Variants in SLC6A20 observed in about 807,000 individuals in gnomAD.
SLC6A20 encodes the protein sodium- and chloride-dependent transporter XTRP3.
Under a neutral mutation model 64.3 loss-of-function variants are expected in SLC6A20, and 73 were observed. The observed-to-expected ratio is 1.14, with a 90% CI of 0.94 to 1.38. The LOEUF (loss-of-function observed/expected upper bound fraction) is 1.38, where lower values mean the gene tolerates loss of function less well. SLC6A20 is among the 40% of genes most tolerant of loss of function. The pLI is 0.00. For missense variants in SLC6A20, 725 were observed against 772.8 expected (o/e 0.94, Z 0.73); for synonymous variants, 347 against 329.6 (o/e 1.05, Z -0.57).
chr3:45,771,225 G>A lies in SLC6A20; in HGVS notation c.927C>T (p.Cys309=). 6.2e-7 allele frequency: 1 copy of A among 1,614,216 alleles called. No homozygotes were observed. The highest frequency in any genetic ancestry group is 8.5e-7 in the Non-Finnish European group (1 of 1,180,042). ...GFKATFNYEN[C]LKKVSLLLTN... Reference sequence around the variant, plus strand: ...GGACAGCCCAGGCTTACTTCTTCAAGCAGTTTTCATAATTGAAGGTGGCCT... The same window carrying A: ...GGACAGCCCAGGCTTACTTCTTCAAACAGTTTTCATAATTGAAGGTGGCCT... The change falls in exon 6 of 11, where the codon TGC becomes TGT. Residue 309 remains cysteine, a synonymous_variant. Coordinates refer to ENST00000358525, the MANE Select transcript of SLC6A20 (RefSeq NM_020208.4).
chr3:45,759,713 T>C lies in SLC6A20; in HGVS notation c.1629+144A>G, dbSNP rs959207756. ...CAGCTCCTCCGTGCTGGACTATTTC[T>C]AAAATACCTCAGTGATATTTCCATG... On this transcript the variant is annotated intron_variant, in intron 10 of 10. Transcript: ENST00000358525. The C allele has an allele frequency of 6.1e-6, 7 of 1,143,010 alleles. No individual in the cohort carries two copies. In the African/African-American group the frequency reaches 1.1e-4, roughly 18 times the overall value. The allele number at this position is 1,143,010 out of a possible 1,614,324, so 70.8% of individuals were successfully genotyped here.
chr3:45,786,661 A>G (rs1700174704), intron 1 of SLC6A20, among the ~76,000 whole-genome samples: 1 of 152,212 alleles, frequency 6.6e-6, no homozygotes, highest in Admixed American at 6.5e-5. Flanking sequence ...AGCCTCAGTA[A>G]CTATCCTATT....
chr3:45,771,137 T>C (rs1226997058), intron 6 of SLC6A20, 80 bp downstream of exon 6: 1 of 1,584,066 alleles, frequency 6.3e-7, no homozygotes, highest in Non-Finnish European at 8.6e-7. Context: ...CTGGTGCACT[T>C]TGCCCCAGCC....
At chr3:45,767,055 A>T (rs1202853690) in intron 7 of SLC6A20, among the ~76,000 whole-genome samples, 6 of 152,250 alleles carry the variant, frequency 3.9e-5, no homozygotes, top group Non-Finnish European at 5.9e-5. Flanking sequence ...GCACTGACTA[A>T]TATAAGAACA....
chr3:45,773,490 G>A (rs1699913050), intron 4 of SLC6A20, among the ~76,000 whole-genome samples: 1 of 152,184 alleles, frequency 6.6e-6, no homozygotes, highest in South Asian at 2.1e-4. Flanking sequence ...CAAAGCCATA[G>A]AATACAGACC....
At position 45,757,929 on chromosome 3, in the gene SLC6A20, T is replaced by G. The variant is rs1009922868; in HGVS notation, c.*1049A>C. 3 of 150,826 alleles carry G rather than the reference T, an allele frequency of 2.0e-5. No individual in the cohort carries two copies. Among genetic ancestry groups the G allele is most frequent in the African/African-American group, 7.3e-5 (3 of 40,958 alleles). 9.3% of individuals were successfully genotyped at this position (150,826 alleles called of 1,614,324 possible). ...TCAGAGCCACTTTTTTTTTTTTTTT[T>G]TTTTGAGTCAGAGTCTTGCTCTGTC... is the stretch of plus-strand genomic sequence containing the variant. On this transcript the variant is annotated 3_prime_UTR_variant, in exon 11 of 11. Coordinates refer to ENST00000358525, the MANE Select transcript of SLC6A20 (RefSeq NM_020208.4).
At chr3:45,780,167 T>G in intron 2 of SLC6A20, 67 bp from the exon 3 acceptor site, 3 of 1,492,006 alleles carry the variant, frequency 2.0e-6, no homozygotes, top group Non-Finnish European at 2.7e-6. Context: ...AGGCCCAGCG[T>G]GTGCTCCCAG....
intron 3 of SLC6A20, among the ~76,000 whole-genome samples, chr3:45,777,009 G>A (rs1699979904): frequency 6.6e-6 from 1 of 152,174 alleles, no homozygotes; most frequent in South Asian, 2.1e-4. Flanking sequence ...AGGGAGGGGA[G>A]GAAAAGTTAC....
chr3:45,796,178 A>T, intron 1 of SLC6A20, 121 bp downstream of exon 1: 4 of 1,483,150 alleles, frequency 2.7e-6, no homozygotes, highest in Non-Finnish European at 3.6e-6. Flanking sequence ...ACTTCGGACA[A>T]ATCACGCTCG....
chr3:45,776,048 A>G, intron 3 of SLC6A20, 60 bp from the exon 4 acceptor site: 1 of 1,531,968 alleles, frequency 6.5e-7, no homozygotes, highest in South Asian at 1.1e-5. Flanking sequence ...AGGCTGTGGC[A>G]GGGGTGAGGG....
intron 7 of SLC6A20, among the ~76,000 whole-genome samples, chr3:45,766,505 C>T (rs887356753): frequency 4.6e-5 from 7 of 152,196 alleles, no homozygotes; most frequent in Non-Finnish European, 8.8e-5. Flanking sequence ...CATCCCTCCC[C>T]GAGGTGGCAG....
chr3:45,787,808 G>A (rs772935413), intron 1 of SLC6A20, among the ~76,000 whole-genome samples: 1 of 152,198 alleles, frequency 6.6e-6, no homozygotes, highest in African/African-American at 2.4e-5. Context: ...AGCTCCTAAG[G>A]AAGGACCTGG....
intron 1 of SLC6A20, among the ~76,000 whole-genome samples, chr3:45,794,806 T>C: frequency 6.6e-6 from 1 of 152,188 alleles, no homozygotes; most frequent in Admixed American, 6.5e-5. Flanking sequence ...TTCTGACAAA[T>C]AATTCTTTTT....
In SLC6A20 at chr3:45,779,998, C is replaced by T; in HGVS notation, c.354+11G>A. The T allele has an allele frequency of 6.3e-7, 1 of 1,592,758 alleles. No individual in the cohort carries two copies. Among genetic ancestry groups the T allele is most frequent in the East Asian group, 2.3e-5 (1 of 43,938 alleles). ...TCCTACTCCTGTTCTGGCACGGGCC[C>T]CCCGGCTCACCTGGAAGGAGTGGAA... On this transcript the variant is annotated intron_variant, in intron 3 of 10. Coordinates refer to ENST00000358525, the MANE Select transcript of SLC6A20 (RefSeq NM_020208.4).
In SLC6A20 at chr3:45,760,027, T is replaced by C. The variant is rs1232904537; in HGVS notation, c.1464-5A>G. Reference sequence around the variant, plus strand: ...GCCTTAAGGTCACTTTCAAATCTATTTGGAAAACAGGGAGAGAAAGTCTGG... The same window carrying C: ...GCCTTAAGGTCACTTTCAAATCTATCTGGAAAACAGGGAGAGAAAGTCTGG... On this transcript the variant is annotated splice_region_variant and splice_polypyrimidine_tract_variant and intron_variant, in intron 9 of 10. Coordinates refer to ENST00000358525, the MANE Select transcript of SLC6A20 (RefSeq NM_020208.4). The C allele has an allele frequency of 6.2e-7, 1 of 1,605,104 alleles. No homozygotes were observed. Among genetic ancestry groups the C allele is most frequent in the Non-Finnish European group, 8.5e-7 (1 of 1,176,146 alleles).
chr3:45,784,876 A>G (rs1700146922), intron 1 of SLC6A20, among the ~76,000 whole-genome samples: 1 of 152,108 alleles, frequency 6.6e-6, no homozygotes, highest in South Asian at 2.1e-4. Context: ...TGGGAGGGCA[A>G]GAGGGAGCAA....
At chr3:45,759,741 G>T (rs978200330) in intron 10 of SLC6A20, 116 bp downstream of exon 10, 5 of 1,297,698 alleles carry the variant, frequency 3.9e-6, no homozygotes, top group Admixed American at 4.7e-5. Flanking sequence ...TTTCCATGTC[G>T]TGACAAATAA....
chr3:45,785,685 C>T (rs542808689), intron 1 of SLC6A20, among the ~76,000 whole-genome samples: 41 of 151,192 alleles, frequency 2.7e-4, no homozygotes, highest in African/African-American at 5.1e-4. Flanking sequence ...AACCCTAATA[C>T]AGTAGTAATA....
In SLC6A20 at chr3:45,775,742, C is replaced by T; in HGVS notation, c.582+19G>A. The T allele has an allele frequency of 6.2e-7, 1 of 1,606,668 alleles. No homozygotes were observed. The highest frequency in any genetic ancestry group is 8.5e-7 in the Non-Finnish European group (1 of 1,175,698). On this transcript the variant is annotated intron_variant, in intron 4 of 10. Transcript: ENST00000358525. ...CCCACCCACCAGGAGCACCGGGCTT[C>T]TGTGCCTCACTGTCCCACCTTGCCA...
Sources: allele counts gnomAD v4.1 joint callset (sites outside exome capture counted in the v4.1 genomes callset), GRCh38; gene constraint gnomAD v4.1.1; transcripts MANE v1.5; gene names NCBI Gene and HGNC (gene_info 2026-07-23, HGNC 2026-07-21).